The following SPATS1 variants were observed in gnomAD, a reference collection of about 807,000 sequenced individuals.
SPATS1 encodes the protein spermatogenesis associated serine rich 1.
Under a neutral mutation model 33.6 loss-of-function variants are expected in SPATS1, and 23 were observed. That is an observed-to-expected ratio of 0.68 (90% confidence interval 0.49 to 0.97). The LOEUF (loss-of-function observed/expected upper bound fraction) is 0.97, where lower values mean the gene tolerates loss of function less well. SPATS1 is among the 50% of genes least tolerant of loss of function. The probability of loss-of-function intolerance (pLI) is 0.00; values close to 1 mark genes in which losing one functional copy is unlikely to be tolerated. For missense variants in SPATS1, 327 were observed against 361.0 expected (o/e 0.91, Z 0.76); for synonymous variants, 131 against 125.6 (o/e 1.04, Z -0.29).
intron 2 of SPATS1, among the ~76,000 whole-genome samples, chr6:44,345,414 A>G (rs759662642): frequency 2.6e-5 from 4 of 152,158 alleles, no homozygotes; most frequent in African/African-American, 9.7e-5. Context: ...GAAGTGTGCT[A>G]AAGTTTTAGG....
rs1029572965 is a variant in SPATS1, at chr6:44,352,784, TGGCAAAAGTG to T, written c.199_208del (p.Gly67SerfsTer26). 1 of 1,614,066 alleles carries T rather than the reference TGGCAAAAGTG, an allele frequency of 6.2e-7. No homozygotes were observed. Among genetic ancestry groups the T allele is most frequent in the African/African-American group, 1.3e-5 (1 of 74,932 alleles). ...GATGTTTTGCCAACACAACACCCTC[TGGCAAAAGTG>T]TCAGTTCCTCATCTTCTGTGGAAAC... is the stretch of plus-strand genomic sequence containing the variant. On this transcript the variant is annotated frameshift_variant, in exon 3 of 9. Transcript: ENST00000674044. LOFTEE classifies it high-confidence loss of function.
At position 44,373,426 on chromosome 6, in the gene SPATS1, C is replaced by G. The variant is rs922968056; in HGVS notation, c.759-2932C>G. On this transcript the variant is annotated intron_variant, in intron 7 of 8. Transcript: ENST00000674044. Reference sequence around the variant, plus strand: ...ACTTGTTTAAGTCAGGAGAGTAAATCTGATCCCCGCTACTTCATTATGGCT... The same window carrying G: ...ACTTGTTTAAGTCAGGAGAGTAAATGTGATCCCCGCTACTTCATTATGGCT... Among the ~76,000 whole-genome samples, 5 of 152,290 alleles carry G rather than the reference C, an allele frequency of 3.3e-5. 1 individual carries two copies. In the South Asian group the frequency reaches 8.3e-4, roughly 25 times the overall value.
chr6:44,346,134 A>T (rs995857301), intron 2 of SPATS1, among the ~76,000 whole-genome samples: 1 of 151,894 alleles, frequency 6.6e-6, no homozygotes, highest in Non-Finnish European at 1.5e-5. Flanking sequence ...TACAACAACA[A>T]CAAAAAAATA....
chr6:44,352,052 C>T (rs1788275370), intron 2 of SPATS1, among the ~76,000 whole-genome samples: 1 of 152,180 alleles, frequency 6.6e-6, no homozygotes, highest in Non-Finnish European at 1.5e-5. Context: ...TATGTAGGGG[C>T]AAGCAGTCTA....
chr6:44,343,365 G>A, intron 2 of SPATS1, 131 bp downstream of exon 2: 1 of 1,066,322 alleles, frequency 9.4e-7, no homozygotes, highest in Non-Finnish European at 1.4e-6. Context: ...TGTAAAAAGA[G>A]CTGCTTGAAT....
chr6:44,343,473 G>A, intron 2 of SPATS1: 1 of 613,676 alleles, frequency 1.6e-6, no homozygotes, highest in Non-Finnish European at 3.0e-6. Context: ...TCACAGCAGT[G>A]GAGAAGTATA....
chr6:44,356,696 G>C (rs904086812), intron 3 of SPATS1, among the ~76,000 whole-genome samples: 2 of 152,212 alleles, frequency 1.3e-5, no homozygotes, highest in Admixed American at 1.3e-4. Flanking sequence ...TGTCTCTACA[G>C]AGGGCATCCC....
Position 44,378,311 on chromosome 6 carries a change from C to T in SPATS1, c.*1248C>T, listed in dbSNP as rs1790061307. 2 of 151,910 alleles carry T rather than the reference C, an allele frequency of 1.3e-5. No homozygotes were observed. Among genetic ancestry groups the T allele is most frequent in the African/African-American group, 2.4e-5 (1 of 41,368 alleles). 9.4% of individuals were successfully genotyped at this position (151,910 alleles called of 1,614,324 possible). A position where few individuals can be genotyped will look rare whatever the true frequency, so the allele number is the denominator to read the frequency against. On this transcript the variant is annotated 3_prime_UTR_variant, in exon 9 of 9. Coordinates refer to ENST00000674044, the MANE Select transcript of SPATS1 (RefSeq NM_001372081.1). Reference sequence around the variant, plus strand: ...ATCTCTTTCTCCACTAGGGAACCCCCTTGGCTGGCTAATGAAGGCTGCAGA... The same window carrying T: ...ATCTCTTTCTCCACTAGGGAACCCCTTTGGCTGGCTAATGAAGGCTGCAGA...
intron 3 of SPATS1, among the ~76,000 whole-genome samples, chr6:44,354,657 C>T (rs984747317): frequency 6.6e-6 from 1 of 152,130 alleles, no homozygotes; most frequent in Admixed American, 6.5e-5. Context: ...TCACATCCTG[C>T]ACCAGAGTGG....
intron 5 of SPATS1, among the ~76,000 whole-genome samples, chr6:44,367,552 T>C (rs1030417562): frequency 4.6e-5 from 7 of 152,204 alleles, no homozygotes; most frequent in Non-Finnish European, 7.3e-5. Context: ...TGATGGCTTT[T>C]CCGAGTTAGC....
chr6:44,355,889 T>C (rs1788563500), intron 3 of SPATS1, among the ~76,000 whole-genome samples: 1 of 152,188 alleles, frequency 6.6e-6, no homozygotes, highest in Non-Finnish European at 1.5e-5. Flanking sequence ...TCCTGTAGGA[T>C]GGGGAACTGC....
chr6:44,373,062 G>A (rs991540105), intron 7 of SPATS1, among the ~76,000 whole-genome samples: 4 of 152,184 alleles, frequency 2.6e-5, no homozygotes, highest in Non-Finnish European at 5.9e-5. Flanking sequence ...CCCTACACAT[G>A]TGTGTCTTAA....
At chr6:44,363,855 A>G (rs185280851) in intron 5 of SPATS1, among the ~76,000 whole-genome samples, 8 of 152,318 alleles carry the variant, frequency 5.3e-5, no homozygotes, top group Non-Finnish European at 1.0e-4. Flanking sequence ...TATCACAAAT[A>G]CTTGCGTTCT....
chr6:44,361,570 G>A (rs1788922386), intron 4 of SPATS1: 1 of 978,544 alleles, frequency 1.0e-6, no homozygotes, highest in African/African-American at 1.8e-5. Context: ...CATAAAGTTG[G>A]CTTTATTTTT....
Position 44,343,235 on chromosome 6 carries a change from G to A in SPATS1, c.139+1G>A, listed in dbSNP as rs2153363900. On this transcript the variant is annotated splice_donor_variant, in intron 2 of 8. Transcript: ENST00000674044. LOFTEE classifies it high-confidence loss of function. ...ATGACCGAGGTGGAGAGGACCTACA[G>A]TTGAGTTCTAAGAAATCCAGGCTGT... is the stretch of plus-strand genomic sequence containing the variant. 2.5e-6 allele frequency: 4 copies of A among 1,613,212 alleles called. No individual in the cohort carries two copies. Among genetic ancestry groups the A allele is most frequent in the Non-Finnish European group, 3.4e-6 (4 of 1,179,596 alleles).
At chr6:44,350,345 T>G (rs1051722961) in intron 2 of SPATS1, among the ~76,000 whole-genome samples, 3 of 152,196 alleles carry the variant, frequency 2.0e-5, no homozygotes, top group African/African-American at 7.2e-5. Flanking sequence ...AGAAGGAGAT[T>G]ACTGCCAAAC....
At chr6:44,345,930 A>G (rs1787850464) in intron 2 of SPATS1, among the ~76,000 whole-genome samples, 1 of 152,186 alleles carries the variant, frequency 6.6e-6, no homozygotes, top group South Asian at 2.1e-4. Context: ...AGCTGTGCCA[A>G]ACACCTGGGT....
chr6:44,355,237 A>G (rs1358885106), intron 3 of SPATS1, among the ~76,000 whole-genome samples: 1 of 147,884 alleles, frequency 6.8e-6, no homozygotes, highest in Non-Finnish European at 1.5e-5. Context: ...TTCCAGAATG[A>G]CATATAGTTG....
At chr6:44,377,014 A>C in intron 8 of SPATS1, 21 bp from the exon 9 acceptor site, 2 of 1,613,974 alleles carry the variant, frequency 1.2e-6, no homozygotes, top group South Asian at 2.2e-5. Context: ...AAAACCTGTA[A>C]CTCCATGCCT....
Sources: gnomAD v4.1 joint callset for allele counts (sites outside exome capture counted in the v4.1 genomes callset) on GRCh38, gnomAD v4.1.1 for gene constraint, MANE v1.5 for transcripts, NCBI Gene and HGNC (gene_info 2026-07-23, HGNC 2026-07-21) for gene names.